The following FOXN4 variants were observed in gnomAD, a reference collection of about 807,000 sequenced individuals.
FOXN4 encodes the protein forkhead box protein N4.
A neutral mutation model predicts 45.0 loss-of-function variants in FOXN4; 12 were observed. The observed-to-expected ratio is 0.27, with a 90% CI of 0.17 to 0.43. The LOEUF is 0.43. FOXN4 is among the 20% of genes least tolerant of loss of function. The pLI is 1.00. For missense variants in FOXN4, 560 were observed against 694.9 expected (o/e 0.81, Z 2.18); for synonymous variants, 297 against 295.0 (o/e 1.01, Z -0.07).
chr12:109,298,344 G>GTT (rs71079539), intron 2 of FOXN4, among the ~76,000 whole-genome samples: 61 of 131,852 alleles, frequency 4.6e-4, no homozygotes, highest in African/African-American at 1.6e-3. Flanking sequence ...TTTTTTTTTT[G>GTT]TTTTTTTTTT....
chr12:109,287,984 G>A lies in FOXN4; in HGVS notation c.358-30C>T. 1 of 1,549,646 alleles carries A rather than the reference G, an allele frequency of 6.5e-7. No homozygotes were observed. The highest frequency in any genetic ancestry group is 1.2e-5 in the South Asian group (1 of 84,050). On this transcript the variant is annotated intron_variant, in intron 4 of 9. Transcript: ENST00000299162. The surrounding 1 kb of genome is among the most constrained non-coding windows in gnomAD (Gnocchi z 4.1). Reference sequence around the variant, plus strand: ...TGGGCAGGAAGAGGAGGAGACAGAGGGTCACGGTGGGGGTAGACACCCAGT... The same window carrying A: ...TGGGCAGGAAGAGGAGGAGACAGAGAGTCACGGTGGGGGTAGACACCCAGT...
chr12:109,286,638 T>G lies in FOXN4; in HGVS notation c.693+10A>C. The G allele has an allele frequency of 1.9e-6, 3 of 1,604,386 alleles. No homozygotes were observed. The highest frequency in any genetic ancestry group is 2.5e-6 in the Non-Finnish European group (3 of 1,177,086). ...CAGCTCCAGCACCCCTACCCTAGCT[T>G]GGGACTCACCTTGAAGTAGGGGAAG... On this transcript the variant is annotated intron_variant, in intron 7 of 9. Coordinates refer to ENST00000299162, the MANE Select transcript of FOXN4 (RefSeq NM_213596.3).
chr12:109,308,148 T>C (rs2047937855), intron 2 of FOXN4, 88 bp downstream of exon 2: 1 of 1,072,016 alleles, frequency 9.3e-7, no homozygotes, highest in Admixed American at 2.6e-5. Flanking sequence ...ATAACAATAG[T>C]TCTTGGGCAG....
rs759819045 is a variant in FOXN4 at position 109,281,691 on chromosome 12, G to A, written c.1010C>T (p.Ala337Val). Residue 337 changes from alanine (A) to valine (V), a missense_variant, in exon 9 of 10, where the codon GCG becomes GTG. Physicochemically the swap from Ala to Val is moderately conservative, Grantham distance 64. Transcript: ENST00000299162. ...VLTHATTVAV[A>V]HGCLAVSQLP... Reference sequence around the variant, plus strand: ...CTGGGAGACAGCCAGGCAGCCATGCGCCACGGCCACTGTGGTGGCGTGAGT... The same window carrying A: ...CTGGGAGACAGCCAGGCAGCCATGCACCACGGCCACTGTGGTGGCGTGAGT... 31 of 1,610,390 alleles carry A rather than the reference G, an allele frequency of 1.9e-5. No homozygotes were observed. The highest frequency in any genetic ancestry group is 2.7e-5 in the African/African-American group (2 of 74,874).
At chr12:109,285,274 T>TGTGTGTGTGTGCGCGCGC (rs71443850) in intron 8 of FOXN4, 30 bp downstream of exon 8, 2 of 1,478,030 alleles carry the variant, frequency 1.4e-6, no homozygotes, top group African/African-American at 3.0e-5. Context: ...TGTGTGTGTG[T>TGTGTGTGTGTGCGCGCGC]GCGCGCACTG....
intron 2 of FOXN4, among the ~76,000 whole-genome samples, chr12:109,301,942 G>A (rs1396936286): frequency 1.3e-5 from 2 of 151,952 alleles, no homozygotes; most frequent in African/African-American, 4.8e-5. Context: ...TTCCTGCCCA[G>A]CTTAAATACA....
At chr12:109,300,064 G>A (rs891770364) in intron 2 of FOXN4, among the ~76,000 whole-genome samples, 2 of 152,186 alleles carry the variant, frequency 1.3e-5, no homozygotes, top group African/African-American at 2.4e-5. Context: ...TCCATCTCAC[G>A]AGGTATGGTG....
chr12:109,281,924 AC>A, intron 8 of FOXN4, 125 bp from the exon 9 acceptor site: 1 of 1,114,060 alleles, frequency 9.0e-7, no homozygotes, highest in Non-Finnish European at 1.2e-6. Flanking sequence ...GACACTCAGA[AC>A]CTCTGTCTCC....
Position 109,279,479 on chromosome 12 carries a change from G to C in FOXN4, c.*192C>G. The C allele has an allele frequency of 2.5e-6, 2 of 793,558 alleles. No individual in the cohort carries two copies. Among genetic ancestry groups the C allele is most frequent in the Non-Finnish European group, 3.9e-6 (2 of 514,484 alleles). The allele number at this position is 793,558 out of a possible 1,614,324, so 49.2% of individuals were successfully genotyped here. On this transcript the variant is annotated 3_prime_UTR_variant, in exon 10 of 10. Transcript: ENST00000299162. ...AGAGCCCCCAGAAACTGCTCCGGAA[G>C]CTCCAGGGGGAGGCACGAGAAGGAG...
At chr12:109,298,577 G>A (rs554035190) in intron 2 of FOXN4, among the ~76,000 whole-genome samples, 34 of 152,166 alleles carry the variant, frequency 2.2e-4, no homozygotes, top group African/African-American at 8.2e-4. Flanking sequence ...TGGCCAGACT[G>A]GTCTCGAATT....
chr12:109,290,307 C>T lies in FOXN4; in HGVS notation c.87-21G>A, dbSNP rs1285568120. The T allele has an allele frequency of 2.4e-5, 37 of 1,530,726 alleles. No homozygotes were observed. The highest frequency in any genetic ancestry group is 1.0e-4 in the Admixed American group (5 of 49,370). The allele number at this position is 1,530,726 out of a possible 1,614,324, so 94.8% of individuals were successfully genotyped here. A position where few individuals can be genotyped will look rare whatever the true frequency, so the allele number is the denominator to read the frequency against. ...GAAGCCTGCAAAGAGGAACAGAGAA[C>T]TCGGGCGGGAGGGGGAGCTTAGGCC... On this transcript the variant is annotated intron_variant, in intron 2 of 9. Transcript: ENST00000299162. The surrounding 1 kb of genome is among the most constrained non-coding windows in gnomAD (Gnocchi z 5.1).
chr12:109,301,206 A>C (rs1866065), intron 2 of FOXN4, among the ~76,000 whole-genome samples: 93,568 of 152,036 alleles, frequency 0.62, 30,038 homozygotes, highest in African/African-American at 0.79. Context: ...AAGTCTTGGG[A>C]AGATAACTCA....
At chr12:109,286,564 T>C in intron 7 of FOXN4, 84 bp downstream of exon 7, 1 of 1,368,282 alleles carries the variant, frequency 7.3e-7, no homozygotes, top group African/African-American at 1.4e-5. Flanking sequence ...CAAAGAGGGT[T>C]GGCCCAGGGC....
At chr12:109,308,182 C>G in intron 2 of FOXN4, 54 bp downstream of exon 2, 1 of 1,405,274 alleles carries the variant, frequency 7.1e-7, no homozygotes, top group Non-Finnish European at 9.7e-7. Flanking sequence ...AAACAGCATA[C>G]AAACACTTTG....
chr12:109,290,863 CT>C lies in FOXN4; in HGVS notation c.87-578del, dbSNP rs1260995276. ...GCCATGTGCTGAGGCAGCTGAGTGC[CT>C]GCTACCTGCCAGGCCCTGGACTCAG... On this transcript the variant is annotated intron_variant, in intron 2 of 9. Coordinates refer to ENST00000299162, the MANE Select transcript of FOXN4 (RefSeq NM_213596.3). The surrounding 1 kb of genome is among the most constrained non-coding windows in gnomAD (Gnocchi z 5.1). Among the ~76,000 whole-genome samples the C allele has an allele frequency of 6.6e-6, 1 of 152,210 alleles. No homozygotes were observed. The highest frequency in any genetic ancestry group is 2.4e-5 in the African/African-American group (1 of 41,452).
intron 7 of FOXN4, 34 bp from the exon 8 acceptor site, chr12:109,285,545 T>C (rs754027556): frequency 5.6e-6 from 9 of 1,610,786 alleles, no homozygotes; most frequent in Non-Finnish European, 7.6e-6. Flanking sequence ...GAGGCCTCCC[T>C]GTAAGCCCTT....
At chr12:109,282,438 A>G (rs1423739628) in intron 8 of FOXN4, among the ~76,000 whole-genome samples, 1 of 151,782 alleles carries the variant, frequency 6.6e-6, no homozygotes, top group Non-Finnish European at 1.5e-5. Flanking sequence ...ATAGAGCAAG[A>G]CCCTGCCTTT....
At position 109,279,880 on chromosome 12, in the gene FOXN4, C is replaced by A; in HGVS notation, c.1345G>T (p.Gly449Cys). 6.2e-7 allele frequency: 1 copy of A among 1,613,990 alleles called. No homozygotes were observed. Among genetic ancestry groups the A allele is most frequent in the South Asian group, 1.1e-5 (1 of 91,082 alleles). Reference protein sequence around the residue: ...KDEGFSLDTLGAFADSPLGCD... With the variant: ...KDEGFSLDTLCAFADSPLGCD... ...CCAAGCGGGGAGTCTGCAAAGGCGC[C>A]CAGTGTGTCCAAGCTGAATCCCTCA... The change falls in exon 10 of 10, where the codon GGC (glycine) becomes TGC (cysteine). Residue 449 changes from glycine to cysteine, a missense_variant. Gly to Cys is a radical substitution (Grantham distance 159). Coordinates refer to ENST00000299162, the MANE Select transcript of FOXN4 (RefSeq NM_213596.3).
intron 2 of FOXN4, among the ~76,000 whole-genome samples, chr12:109,304,613 T>A (rs2047905161): frequency 6.6e-6 from 1 of 152,042 alleles, no homozygotes; most frequent in South Asian, 2.1e-4. Flanking sequence ...TCCTGACAGC[T>A]CCCCAGGGAC....
Sources: allele counts gnomAD v4.1 joint callset (sites outside exome capture counted in the v4.1 genomes callset), GRCh38; gene constraint gnomAD v4.1.1; non-coding constraint Gnocchi (gnomAD v3.1); transcripts MANE v1.5; gene names NCBI Gene and HGNC (gene_info 2026-07-23, HGNC 2026-07-21).